The following PCDH11X variants were observed in gnomAD, a reference collection of about 807,000 sequenced individuals.
The protein encoded by PCDH11X is protocadherin-11 X-linked.
Under a neutral mutation model 53.3 loss-of-function variants are expected in PCDH11X, and 18 were observed. The ratio of observed to expected loss-of-function variants is 0.34; its 90% CI spans 0.23 to 0.50. The LOEUF is 0.50. PCDH11X is among the 20% of genes least tolerant of loss of function. PCDH11X has a pLI of 0.98. For synonymous variants in PCDH11X, 279 were observed against 393.3 expected (o/e 0.71, Z 3.44); for missense variants, 570 against 1,032.4 (o/e 0.55, Z 6.14).
chrX:92,435,399 G>T (rs1033276719), intron 9 of PCDH11X, among the ~76,000 whole-genome samples: 26 of 110,142 alleles, frequency 2.4e-4, no homozygotes, highest in African/African-American at 8.6e-4. Flanking sequence ...CCCCAATATT[G>T]CTAGAGAGGC....
chrX:92,014,028 C>T (rs1417418143), intron 6 of PCDH11X, among the ~76,000 whole-genome samples: 1 of 111,796 alleles, frequency 8.9e-6, no homozygotes, highest in Admixed American at 9.5e-5. Flanking sequence ...CCAAAATTGA[C>T]ATATGGGATC....
chrX:91,859,954 T>G (rs1210680114), intron 5 of PCDH11X, among the ~76,000 whole-genome samples: 1 of 111,532 alleles, frequency 9.0e-6, no homozygotes, highest in East Asian at 2.8e-4. Context: ...AGTCTCTTTT[T>G]TGATTCTATA....
intron 6 of PCDH11X, among the ~76,000 whole-genome samples, chrX:91,980,532 T>C (rs761212153): frequency 1.8e-5 from 2 of 111,321 alleles, no homozygotes; most frequent in South Asian, 7.6e-4. Flanking sequence ...TGCAGTGGCA[T>C]GAGCTCAAGC....
At chrX:92,421,188 T>C (rs1430846036) in intron 9 of PCDH11X, among the ~76,000 whole-genome samples, 1 of 111,834 alleles carries the variant, frequency 8.9e-6, no homozygotes, top group Non-Finnish European at 1.9e-5. Flanking sequence ...CATGGGGCCT[T>C]GGTATACAGA....
At chrX:92,501,123 T>G (rs996765596) in intron 10 of PCDH11X, among the ~76,000 whole-genome samples, 1 of 107,126 alleles carries the variant, frequency 9.3e-6, no homozygotes, top group Admixed American at 1.0e-4. Flanking sequence ...CTAGAAAATC[T>G]AGAAGAAATG....
intron 10 of PCDH11X, among the ~76,000 whole-genome samples, chrX:92,573,155 C>T (rs1465746887): frequency 9.0e-6 from 1 of 111,206 alleles, no homozygotes; most frequent in Non-Finnish European, 1.9e-5. Flanking sequence ...AAGTAGGGTT[C>T]TAGGCCTGCC....
At chrX:91,830,212 C>G (rs1396166102) in intron 4 of PCDH11X, among the ~76,000 whole-genome samples, 1 of 111,770 alleles carries the variant, frequency 8.9e-6, no homozygotes, top group African/African-American at 3.3e-5. Context: ...GAACACCACA[C>G]TAACTGTTGT....
intron 5 of PCDH11X, among the ~76,000 whole-genome samples, chrX:91,856,893 A>G (rs1336746123): frequency 9.0e-6 from 1 of 111,673 alleles, no homozygotes; most frequent in African/African-American, 3.3e-5. Context: ...GCTATTGTGA[A>G]TAGTGCTGCA....
chrX:92,270,667 T>A (rs1173620330), intron 8 of PCDH11X, among the ~76,000 whole-genome samples: 1 of 111,798 alleles, frequency 8.9e-6, no homozygotes, highest in Non-Finnish European at 1.9e-5. Flanking sequence ...GGTCTCATTA[T>A]GGAATCCACA....
chrX:92,459,616 C>G (rs2072987759), intron 9 of PCDH11X: 4 of 530,165 alleles, frequency 7.5e-6, no homozygotes, highest in Non-Finnish European at 1.3e-5. Context: ...AATGGGCCAC[C>G]ATCGTCGGCA....
At chrX:91,890,181 A>G (rs1428244979) in intron 6 of PCDH11X, among the ~76,000 whole-genome samples, 1 of 110,808 alleles carries the variant, frequency 9.0e-6, no homozygotes, top group Non-Finnish European at 1.9e-5. Flanking sequence ...GTGAGCACAG[A>G]TATGTTTGCA....
intron 8 of PCDH11X, among the ~76,000 whole-genome samples, chrX:92,378,431 C>G (rs2070799796): frequency 9.2e-6 from 1 of 108,408 alleles, no homozygotes; most frequent in Non-Finnish European, 1.9e-5. Context: ...ATTAAAATGC[C>G]AAAAAAAGAG....
At chrX:92,114,650 T>G (rs1397606617) in intron 6 of PCDH11X, among the ~76,000 whole-genome samples, 1 of 111,521 alleles carries the variant, frequency 9.0e-6, no homozygotes, top group Non-Finnish European at 1.9e-5. Context: ...TTCTGCTGCT[T>G]CTTCCTTTAC....
Position 92,525,016 on chromosome X carries a change from G to A in PCDH11X, c.3367+56694G>A, listed in dbSNP as rs1002573687. 2.9e-3 allele frequency among the ~76,000 whole-genome samples: 322 copies of A among 111,480 alleles called. 1 individual carries two copies. Among genetic ancestry groups the A allele is most frequent in the Non-Finnish European group, 4.8e-3 (254 of 53,045 alleles). On this transcript the variant is annotated intron_variant, in intron 10 of 10. Transcript: ENST00000682573. ...GTTAATATAAAACAGTGCCAGAAAG[G>A]AATCCTTAAATGGAAACTTGGAAGA... is the stretch of plus-strand genomic sequence containing the variant.
chrX:91,824,021 G>A (rs1273002908), intron 4 of PCDH11X, among the ~76,000 whole-genome samples: 1 of 111,156 alleles, frequency 9.0e-6, no homozygotes, highest in African/African-American at 3.3e-5. Flanking sequence ...CTTCTGGCTT[G>A]TAGGGTTTCT....
intron 1 of PCDH11X, among the ~76,000 whole-genome samples, chrX:91,808,867 T>G (rs900914315): frequency 9.0e-6 from 1 of 110,928 alleles, no homozygotes; most frequent in Admixed American, 9.6e-5. Context: ...TGATTAATGC[T>G]CATCCTTTAC....
At chrX:92,419,186 G>A (rs2071890208) in intron 9 of PCDH11X, among the ~76,000 whole-genome samples, 1 of 106,698 alleles carries the variant, frequency 9.4e-6, no homozygotes, top group Non-Finnish European at 1.9e-5. Context: ...TATTAATATA[G>A]TCATTTCAAC....
chrX:92,127,906 T>C (rs188164610), intron 6 of PCDH11X, among the ~76,000 whole-genome samples: 41 of 111,642 alleles, frequency 3.7e-4, no homozygotes, highest in African/African-American at 1.3e-3. Flanking sequence ...TTTATGTTAC[T>C]GTTATGGTGA....
chrX:92,311,255 T>G (rs1281562913), intron 8 of PCDH11X, among the ~76,000 whole-genome samples: 1 of 109,840 alleles, frequency 9.1e-6, no homozygotes, highest in Non-Finnish European at 1.9e-5. Flanking sequence ...GTTTTATTTT[T>G]CACCTTGAAT....
Sources: gnomAD v4.1 joint callset for allele counts (sites outside exome capture counted in the v4.1 genomes callset) on GRCh38, gnomAD v4.1.1 for gene constraint, MANE v1.5 for transcripts, NCBI Gene and HGNC (gene_info 2026-07-23, HGNC 2026-07-21) for gene names.